GRID2: variants seen among roughly 807,000 people sequenced by gnomAD.
GRID2 encodes the protein glutamate receptor ionotropic, delta-2.
GRID2 carries 33 observed loss-of-function variants against 114.8 expected under a neutral mutation model. The observed-to-expected ratio is 0.29, with a 90% CI of 0.22 to 0.38. The LOEUF (loss-of-function observed/expected upper bound fraction) is 0.38. Ranked by LOEUF, GRID2 falls within the 10% of genes least tolerant of loss-of-function variation. GRID2 has a pLI of 1.00. For missense variants in GRID2, 1,184 were observed against 1,257.7 expected, an observed-to-expected ratio of 0.94 and a Z score of 0.89; for synonymous variants, 505 against 449.9, an observed-to-expected ratio of 1.12 and a Z score of -1.55.
intron 8 of GRID2, among the ~76,000 whole-genome samples, chr4:93,296,678 TAACCA>T (rs1419243340): frequency 3.3e-5 from 5 of 152,234 alleles, no homozygotes. Context: ...GTTACATGTT[TAACCA>T]AACCACTTAT....
At chr4:92,983,301 A>G (rs954860014) in intron 2 of GRID2, among the ~76,000 whole-genome samples, 1 of 152,094 alleles carries the variant, frequency 6.6e-6, no homozygotes, top group African/African-American at 2.4e-5. Flanking sequence ...GTGTCATTAC[A>G]TGGCTGAAGG....
At chr4:93,021,516 T>G (rs1723285108) in intron 2 of GRID2, among the ~76,000 whole-genome samples, 1 of 147,384 alleles carries the variant, frequency 6.8e-6, no homozygotes. Flanking sequence ...TAGGAAATTT[T>G]GGGCTTATTT....
intron 2 of GRID2, among the ~76,000 whole-genome samples, chr4:92,820,652 A>G (rs918286182): frequency 2.6e-5 from 4 of 152,092 alleles, no homozygotes; most frequent in African/African-American, 9.7e-5. Flanking sequence ...GGGTGGCATA[A>G]TGTCTTCTGC....
At position 92,834,858 on chromosome 4, in the gene GRID2, G is replaced by T. The variant is rs984217825; in HGVS notation, c.244+244572G>T. On this transcript the variant is annotated intron_variant, in intron 2 of 15. Transcript: ENST00000282020. ...GGGATGAGAAAGTGTGAAAAGACAC[G>T]TGCAGAATGTTCTGGGAATGAGATT... 5.3e-5 allele frequency among the ~76,000 whole-genome samples: 8 copies of T among 152,124 alleles called. No individual in the cohort carries two copies. The South Asian group carries it at 1.2e-3, about 24-fold the overall frequency.
intron 14 of GRID2, among the ~76,000 whole-genome samples, chr4:93,719,004 T>C (rs1483656620): frequency 4.6e-5 from 7 of 152,020 alleles, no homozygotes; most frequent in Admixed American, 4.6e-4. Flanking sequence ...TAAGGAAATA[T>C]AAAAATTCTT....
At chr4:93,132,854 T>C (rs1734929617) in intron 4 of GRID2, among the ~76,000 whole-genome samples, 1 of 152,190 alleles carries the variant, frequency 6.6e-6, no homozygotes, top group Non-Finnish European at 1.5e-5. Context: ...AGCGCTCAAC[T>C]GGTGCTCAAC....
intron 2 of GRID2, among the ~76,000 whole-genome samples, chr4:92,624,579 C>T (rs940938728): frequency 1.3e-5 from 2 of 151,692 alleles, no homozygotes; most frequent in Non-Finnish European, 2.9e-5. Context: ...TATAGATTTG[C>T]TATCAGGAAG....
intron 8 of GRID2, among the ~76,000 whole-genome samples, chr4:93,300,119 TTG>T (rs1241729019): frequency 6.6e-6 from 1 of 152,032 alleles, no homozygotes; most frequent in African/African-American, 2.4e-5. Flanking sequence ...TCTCTTCCTT[TTG>T]TGTGTGTGTG....
intron 13 of GRID2, among the ~76,000 whole-genome samples, chr4:93,556,408 C>T (rs1331859212): frequency 6.6e-6 from 1 of 152,124 alleles, no homozygotes; most frequent in Admixed American, 6.6e-5. Flanking sequence ...TAGAGAAGAA[C>T]ATAAATTACC....
chr4:92,750,525 G>A lies in GRID2; in HGVS notation c.244+160239G>A, dbSNP rs1229279969. Reference sequence around the variant, plus strand: ...ATTTAAGAGAATGTGTGCTAGAATGGTGCTAGAAATGATACACTTGCCCTC... The same window carrying A: ...ATTTAAGAGAATGTGTGCTAGAATGATGCTAGAAATGATACACTTGCCCTC... On this transcript the variant is annotated intron_variant, in intron 2 of 15. Transcript: ENST00000282020. Among the ~76,000 whole-genome samples the A allele has an allele frequency of 5.3e-5, 8 of 152,280 alleles. No individual in the cohort carries two copies. The South Asian group carries it at 1.2e-3, about 24-fold the overall frequency.
In GRID2 at chr4:93,631,224, T is replaced by A. The variant is rs189497929; in HGVS notation, c.2360+4789T>A. Among the ~76,000 whole-genome samples the A allele has an allele frequency of 8.3e-3, 1,259 of 152,226 alleles. 22 individuals carry two copies. The highest frequency in any genetic ancestry group is 0.029 in the African/African-American group (1,203 of 41,522). On this transcript the variant is annotated intron_variant, in intron 14 of 15. Transcript: ENST00000282020. ...AAACACTTAGGGATTCTCTTTTTTT[T>A]TTATTATTATACTTTAAGTTCTAGG... is the stretch of plus-strand genomic sequence containing the variant.
intron 2 of GRID2, among the ~76,000 whole-genome samples, chr4:92,960,878 C>T (rs1019960364): frequency 6.6e-6 from 1 of 151,648 alleles, no homozygotes; most frequent in African/African-American, 2.4e-5. Flanking sequence ...TCCATTTCAT[C>T]TTCTTTTTAT....
intron 7 of GRID2, among the ~76,000 whole-genome samples, chr4:93,229,566 T>A (rs1033020687): frequency 1.3e-5 from 2 of 152,174 alleles, no homozygotes; most frequent in Admixed American, 1.3e-4. Context: ...CTCTTTATTA[T>A]GATGGGAATA....
intron 4 of GRID2, among the ~76,000 whole-genome samples, chr4:93,135,956 C>T: frequency 6.6e-6 from 1 of 152,080 alleles, no homozygotes; most frequent in East Asian, 1.9e-4. Context: ...CTAAAATTTC[C>T]ATCATTTTAT....
intron 2 of GRID2, among the ~76,000 whole-genome samples, chr4:92,895,432 G>A (rs567287773): frequency 8.0e-6 from 1 of 124,340 alleles, no homozygotes; most frequent in Admixed American, 8.4e-5. Flanking sequence ...GCTTACAAGA[G>A]GTGAGGGAAA....
intron 14 of GRID2, among the ~76,000 whole-genome samples, chr4:93,703,041 A>C (rs191033973): frequency 6.6e-6 from 1 of 152,184 alleles, no homozygotes; most frequent in Admixed American, 6.5e-5. Flanking sequence ...ATACATTTTC[A>C]CTCTTACTTG....
At chr4:92,357,504 A>G (rs1728385952) in intron 1 of GRID2, among the ~76,000 whole-genome samples, 1 of 151,850 alleles carries the variant, frequency 6.6e-6, no homozygotes, top group South Asian at 2.1e-4. Flanking sequence ...AAAAGGATAT[A>G]CAGTTGCTTT....
At chr4:92,677,826 TTTCA>T (rs1184782441) in intron 2 of GRID2, among the ~76,000 whole-genome samples, 8 of 152,174 alleles carry the variant, frequency 5.3e-5, no homozygotes, top group Admixed American at 2.0e-4. Context: ...TTCTACCTGA[TTTCA>T]TTATTTTCTT....
intron 4 of GRID2, among the ~76,000 whole-genome samples, chr4:93,187,291 T>G (rs1343014834): frequency 1.3e-5 from 2 of 152,174 alleles, no homozygotes; most frequent in Non-Finnish European, 2.9e-5. Flanking sequence ...TTCTTTTCTT[T>G]TTTGAGATGG....
Sources: gnomAD v4.1 joint callset for allele counts (sites outside exome capture counted in the v4.1 genomes callset) on GRCh38, gnomAD v4.1.1 for gene constraint, MANE v1.5 for transcripts, NCBI Gene and HGNC (gene_info 2026-07-23, HGNC 2026-07-21) for gene names.